The following NCAM2 variants were observed in gnomAD, a reference collection of about 807,000 sequenced individuals.
The protein encoded by NCAM2 is N-CAM-2.
A neutral mutation model predicts 98.1 loss-of-function variants in NCAM2; 30 were observed. The observed-to-expected ratio is 0.31, with a 90% CI of 0.23 to 0.41. NCAM2 has a LOEUF of 0.41. NCAM2 is among the 10% of genes least tolerant of loss of function. The probability of loss-of-function intolerance (pLI) is 1.00; values close to 1 mark genes in which losing one functional copy is unlikely to be tolerated. For missense variants in NCAM2, 867 were observed against 1,005.8 expected (o/e 0.86, Z 1.87); for synonymous variants, 368 against 342.4 (o/e 1.07, Z -0.83).
At chr21:21,370,229 A>C (rs1426003201) in intron 8 of NCAM2, among the ~76,000 whole-genome samples, 8 of 151,750 alleles carry the variant, frequency 5.3e-5, no homozygotes, top group African/African-American at 1.9e-4. Context: ...ATCAGCATGC[A>C]TTATAATTTG....
At chr21:21,262,826 A>G (rs966197832) in intron 1 of NCAM2, among the ~76,000 whole-genome samples, 2 of 152,124 alleles carry the variant, frequency 1.3e-5, no homozygotes, top group African/African-American at 4.8e-5. Context: ...CCTCACAATC[A>G]TGGCAGAAGG....
intron 1 of NCAM2, among the ~76,000 whole-genome samples, chr21:21,257,958 A>G (rs1183634903): frequency 2.0e-5 from 3 of 152,300 alleles, no homozygotes; most frequent in Non-Finnish European, 2.9e-5. Context: ...GTAGGCTTGC[A>G]GTTATTGGGG....
chr21:21,000,271 C>G (rs1444888258), intron 1 of NCAM2, among the ~76,000 whole-genome samples: 1 of 151,986 alleles, frequency 6.6e-6, no homozygotes, highest in African/African-American at 2.4e-5. Flanking sequence ...AATACAACTG[C>G]AATTAAATAA....
intron 1 of NCAM2, among the ~76,000 whole-genome samples, chr21:21,031,297 G>T (rs2064676527): frequency 6.6e-6 from 1 of 152,108 alleles, no homozygotes; most frequent in Non-Finnish European, 1.5e-5. Context: ...GTAAAGACTA[G>T]ATGAGGTATT....
chr21:21,515,436 T>C (rs527701744), intron 16 of NCAM2, among the ~76,000 whole-genome samples: 1 of 152,304 alleles, frequency 6.6e-6, no homozygotes. Context: ...CTATAACCAC[T>C]TGTCTTAAAA....
chr21:21,396,766 G>A (rs767868714), intron 9 of NCAM2, among the ~76,000 whole-genome samples: 26 of 152,166 alleles, frequency 1.7e-4, no homozygotes, highest in Admixed American at 6.5e-5. Context: ...ATGCAGTGGT[G>A]CCCGAAAGCT....
chr21:21,284,424 T>C (rs1307365649), intron 3 of NCAM2, 24 bp downstream of exon 3: 1 of 1,556,142 alleles, frequency 6.4e-7, no homozygotes, highest in South Asian at 1.1e-5. Context: ...TTATATGTTT[T>C]AGTTTATTCA....
At chr21:21,479,535 GACC>G (rs2146269760) in intron 15 of NCAM2, among the ~76,000 whole-genome samples, 1 of 129,718 alleles carries the variant, frequency 7.7e-6, no homozygotes, top group South Asian at 2.4e-4. Context: ...AGTGAGCCGA[GACC>G]GCGCCACTGC....
chr21:21,420,682 A>G (rs1255782996), intron 11 of NCAM2, among the ~76,000 whole-genome samples: 1 of 151,970 alleles, frequency 6.6e-6, no homozygotes, highest in Non-Finnish European at 1.5e-5. Context: ...AATAATGTCA[A>G]ATTATTATGT....
At chr21:21,227,594 A>G (rs1005140067) in intron 1 of NCAM2, among the ~76,000 whole-genome samples, 1 of 151,858 alleles carries the variant, frequency 6.6e-6, no homozygotes, top group African/African-American at 2.4e-5. Context: ...CGAATAGAAA[A>G]TGAAATTGGA....
intron 16 of NCAM2, among the ~76,000 whole-genome samples, chr21:21,525,919 A>G (rs757275606): frequency 9.9e-5 from 15 of 152,122 alleles, no homozygotes; most frequent in Non-Finnish European, 1.5e-4. Context: ...TCATATTAAT[A>G]TATACATAAA....
intron 12 of NCAM2, among the ~76,000 whole-genome samples, chr21:21,447,770 G>A (rs946282346): frequency 3.9e-5 from 6 of 152,082 alleles, no homozygotes; most frequent in East Asian, 1.9e-4. Context: ...AGACATTTAC[G>A]TGGACAACCA....
At chr21:21,519,353 A>G (rs1005675054) in intron 16 of NCAM2, among the ~76,000 whole-genome samples, 1 of 152,130 alleles carries the variant, frequency 6.6e-6, no homozygotes, top group Non-Finnish European at 1.5e-5. Context: ...AATCCAGATG[A>G]AAAAAGTTGG....
intron 12 of NCAM2, among the ~76,000 whole-genome samples, chr21:21,454,177 TCATGCATTAAACAA>T (rs1160837502): frequency 1.3e-5 from 2 of 152,108 alleles, no homozygotes; most frequent in African/African-American, 4.8e-5. Context: ...GTTAAATTTT[TCATGCATTAAACAA>T]CTAAAGCCTA....
intron 1 of NCAM2, among the ~76,000 whole-genome samples, chr21:21,088,613 C>T (rs2065948435): frequency 1.3e-5 from 2 of 152,012 alleles, no homozygotes; most frequent in Admixed American, 1.3e-4. Context: ...TTTATGATTT[C>T]TTTCTTCAGG....
chr21:21,153,904 A>C (rs1380272796), intron 1 of NCAM2, among the ~76,000 whole-genome samples: 6 of 151,896 alleles, frequency 4.0e-5, no homozygotes, highest in Non-Finnish European at 8.8e-5. Context: ...TGACAGCCAA[A>C]TAAAGTGTGG....
At chr21:21,397,348 A>C (rs1287427242) in intron 9 of NCAM2, among the ~76,000 whole-genome samples, 1 of 152,098 alleles carries the variant, frequency 6.6e-6, no homozygotes, top group Non-Finnish European at 1.5e-5. Context: ...TGCTGCCATC[A>C]ACATGTTGTA....
intron 1 of NCAM2, among the ~76,000 whole-genome samples, chr21:21,266,640 G>A (rs1376128738): frequency 6.6e-6 from 1 of 151,756 alleles, no homozygotes; most frequent in Non-Finnish European, 1.5e-5. Context: ...CAAACACCGT[G>A]TGTTCTCACT....
At chr21:21,430,148 C>T (rs1362606304) in intron 11 of NCAM2, among the ~76,000 whole-genome samples, 1 of 151,894 alleles carries the variant, frequency 6.6e-6, no homozygotes, top group Non-Finnish European at 1.5e-5. Flanking sequence ...CCTGCTTCAG[C>T]CTCCCAAGCA....
Sources: gnomAD v4.1 joint callset for allele counts (sites outside exome capture counted in the v4.1 genomes callset) on GRCh38, gnomAD v4.1.1 for gene constraint, MANE v1.5 for transcripts, NCBI Gene and HGNC (gene_info 2026-07-23, HGNC 2026-07-21) for gene names.